SLCO1A2: variants seen among roughly 807,000 people sequenced by gnomAD.
SLCO1A2 encodes OATP-1.
A neutral mutation model predicts 69.0 loss-of-function variants in SLCO1A2; 67 were observed. That is an observed-to-expected ratio of 0.97 (90% CI 0.80 to 1.19). SLCO1A2 has a LOEUF of 1.19. Among genes scored for constraint, SLCO1A2 ranks in the 50% most tolerant of loss-of-function variants. The pLI is 0.00. For synonymous variants in SLCO1A2, 260 were observed against 265.9 expected (o/e 0.98, Z 0.22); for missense variants, 787 against 793.7 (o/e 0.99, Z 0.10).
intron 2 of SLCO1A2, among the ~76,000 whole-genome samples, chr12:21,370,858 G>A (rs989535506): frequency 6.6e-5 from 10 of 152,076 alleles, no homozygotes; most frequent in Non-Finnish European, 1.2e-4. Context: ...TGTATTTAAC[G>A]CAGAACAGGT....
intron 1 of SLCO1A2, among the ~76,000 whole-genome samples, chr12:21,410,023 A>C (rs768421692): frequency 2.6e-5 from 4 of 152,342 alleles, no homozygotes; most frequent in Middle Eastern, 3.4e-3. Flanking sequence ...TCTCAGGAGC[A>C]TAACATTGAA....
At chr12:21,393,730 T>C (rs1011075662) in intron 1 of SLCO1A2, among the ~76,000 whole-genome samples, 6 of 152,226 alleles carry the variant, frequency 3.9e-5, no homozygotes, top group Admixed American at 3.3e-4. Context: ...TTGTAAGGTA[T>C]ATATCTCAGA....
Position 21,297,452 on chromosome 12 carries a change from G to A in SLCO1A2, c.1027C>T (p.Leu343=). 2 of 1,612,806 alleles carry A rather than the reference G, an allele frequency of 1.2e-6. No homozygotes were observed. Among genetic ancestry groups the A allele is most frequent in the African/African-American group, 1.3e-5 (1 of 74,952 alleles). ...VNMISFMPKY[L]EQQYGISSSD... ...GATGATATTCCATATTGCTGTTCTAGGTATTTAGGCATGAAGGAGATCATG... is the reference window on the plus strand; with the variant it reads ...GATGATATTCCATATTGCTGTTCTAAGTATTTAGGCATGAAGGAGATCATG... Residue 343 remains leucine, a synonymous_variant, in exon 9 of 15, where the codon CTA becomes TTA. Coordinates refer to ENST00000683939, the MANE Select transcript of SLCO1A2 (RefSeq NM_001386879.1).
chr12:21,303,834 T>C (rs1349212132), intron 6 of SLCO1A2, among the ~76,000 whole-genome samples: 1 of 152,094 alleles, frequency 6.6e-6, no homozygotes, highest in Non-Finnish European at 1.5e-5. Context: ...GAAGAGAAAC[T>C]GTATAGAAAC....
At chr12:21,392,565 G>C (rs892546125) in intron 1 of SLCO1A2, among the ~76,000 whole-genome samples, 2 of 152,170 alleles carry the variant, frequency 1.3e-5, no homozygotes, top group African/African-American at 4.8e-5. Context: ...AGAAGTGAAA[G>C]TGGGACACAC....
chr12:21,382,317 T>C (rs1483969145), intron 1 of SLCO1A2, among the ~76,000 whole-genome samples: 1 of 151,942 alleles, frequency 6.6e-6, no homozygotes, highest in Non-Finnish European at 1.5e-5. Context: ...TAATGGACTT[T>C]AGAGATTCAG....
intron 2 of SLCO1A2, among the ~76,000 whole-genome samples, chr12:21,352,424 A>C (rs1367694218): frequency 6.6e-6 from 1 of 152,174 alleles, no homozygotes; most frequent in Non-Finnish European, 1.5e-5. Flanking sequence ...TCCTCCCTTC[A>C]CCTGATTTCA....
chr12:21,407,739 C>G (rs1391578612), intron 1 of SLCO1A2, among the ~76,000 whole-genome samples: 1 of 151,036 alleles, frequency 6.6e-6, no homozygotes, highest in Non-Finnish European at 1.5e-5. Context: ...CCTGGGAAGT[C>G]AAGACTGCAG....
chr12:21,300,567 C>A lies in SLCO1A2; in HGVS notation c.691G>T (p.Asp231Tyr). Reference protein sequence around the residue: ...YVDTGFVNTDDLIITPTDTRW... With the variant: ...YVDTGFVNTDYLIITPTDTRW... ...GTGTCAGTGGGAGTTATGATCAGAT[C>A]ATCTGTAAAAAAATACACACACTGT... Residue 231 changes from aspartate to tyrosine, a missense_variant and splice_region_variant, in exon 8 of 15, where the codon GAT becomes TAT. Asp to Tyr is a radical substitution (Grantham distance 160). Coordinates refer to ENST00000683939, the MANE Select transcript of SLCO1A2 (RefSeq NM_001386879.1). 6.3e-7 allele frequency: 1 copy of A among 1,599,910 alleles called. No homozygotes were observed. Among genetic ancestry groups the A allele is most frequent in the Non-Finnish European group, 8.5e-7 (1 of 1,172,594 alleles).
upstream of SLCO1A2, among the ~76,000 whole-genome samples, chr12:21,396,908 C>G (rs1941486294): frequency 1.3e-5 from 2 of 152,196 alleles, no homozygotes; most frequent in South Asian, 4.2e-4. Context: ...GTACCAGCTG[C>G]TGCAAAATCA....
At chr12:21,418,213 G>GAT (rs1942019024), upstream of SLCO1A2, among the ~76,000 whole-genome samples, 1 of 152,176 alleles carries the variant, frequency 6.6e-6, no homozygotes, top group Non-Finnish European at 1.5e-5. Context: ...GATATCAATA[G>GAT]AAGCAGAAGA....
chr12:21,384,012 GTAAAACGGATAGTAA>G (rs1387115661), intron 1 of SLCO1A2, among the ~76,000 whole-genome samples: 1 of 152,112 alleles, frequency 6.6e-6, no homozygotes, highest in Non-Finnish European at 1.5e-5. Context: ...TACTCCCTTT[GTAAAACGGATAGTAA>G]TATCTATCTT....
intron 1 of SLCO1A2, chr12:21,374,561 G>A (rs1940046981): frequency 1.3e-5 from 2 of 152,094 alleles, no homozygotes; most frequent in Admixed American, 6.5e-5. Flanking sequence ...ATTATCAGAG[G>A]CTTTTTGTCA....
chr12:21,272,880 A>G (rs907267991), intron 14 of SLCO1A2, among the ~76,000 whole-genome samples: 1 of 152,178 alleles, frequency 6.6e-6, no homozygotes, highest in Non-Finnish European at 1.5e-5. Flanking sequence ...TCACATTTTT[A>G]GGAAAATGTA....
At chr12:21,276,057 T>TACTC (rs1269324766) in intron 12 of SLCO1A2, among the ~76,000 whole-genome samples, 1 of 152,090 alleles carries the variant, frequency 6.6e-6, no homozygotes, top group Non-Finnish European at 1.5e-5. Context: ...AGAACAAGAA[T>TACTC]ACTCACTATC....
intron 12 of SLCO1A2, among the ~76,000 whole-genome samples, chr12:21,288,285 TACA>T (rs1413926233): frequency 1.3e-5 from 2 of 151,900 alleles, no homozygotes; most frequent in African/African-American, 4.8e-5. Context: ...CTACTAAAAA[TACA>T]AAAATTAGTG....
At chr12:21,375,467 T>TCCTCA (rs1267420159) in intron 1 of SLCO1A2, among the ~76,000 whole-genome samples, 2 of 152,248 alleles carry the variant, frequency 1.3e-5, no homozygotes, top group South Asian at 2.1e-4. Flanking sequence ...AATGTCATTT[T>TCCTCA]CCTCACAAAA....
intron 13 of SLCO1A2, chr12:21,275,045 T>C: frequency 9.8e-7 from 1 of 1,020,432 alleles, no homozygotes; most frequent in Non-Finnish European, 1.2e-6. Context: ...GAAGGGACAT[T>C]TGCTAGACTG....
intron 12 of SLCO1A2, among the ~76,000 whole-genome samples, chr12:21,280,528 A>G (rs901235594): frequency 2.0e-5 from 3 of 152,136 alleles, no homozygotes; most frequent in Non-Finnish European, 4.4e-5. Context: ...GCAAGAGGAC[A>G]TAAAAGTTAT....
Sources: allele counts gnomAD v4.1 joint callset (sites outside exome capture counted in the v4.1 genomes callset), GRCh38; gene constraint gnomAD v4.1.1; transcripts MANE v1.5; gene names NCBI Gene and HGNC (gene_info 2026-07-23, HGNC 2026-07-21).